CSGALNACT1: variants seen among roughly 807,000 people sequenced by gnomAD.
CSGALNACT1 encodes the protein beta4GalNAcT-1.
A neutral mutation model predicts 51.0 loss-of-function variants in CSGALNACT1; 52 were observed. The observed-to-expected ratio is 1.02, with a 90% CI of 0.82 to 1.29. The LOEUF is 1.29. Among genes scored for constraint, CSGALNACT1 ranks in the 50% most tolerant of loss-of-function variants. The probability of loss-of-function intolerance (pLI) is 0.00; values close to 1 mark genes in which losing one functional copy is unlikely to be tolerated. For synonymous variants in CSGALNACT1, 341 were observed against 254.4 expected (o/e 1.34, Z -3.24); for missense variants, 935 against 679.2 (o/e 1.38, Z -4.19).
intron 4 of CSGALNACT1, among the ~76,000 whole-genome samples, chr8:19,504,781 C>T (rs2076998975): frequency 6.6e-6 from 1 of 152,158 alleles, no homozygotes; most frequent in Admixed American, 6.5e-5. Flanking sequence ...GGGGTCATTT[C>T]ATGGGAAAAG....
At chr8:19,477,986 C>T (rs1032893845) in intron 4 of CSGALNACT1, among the ~76,000 whole-genome samples, 5 of 152,082 alleles carry the variant, frequency 3.3e-5, no homozygotes. Context: ...TTTCCAGGGA[C>T]CCCACCTCCT....
At chr8:19,453,706 G>C (rs1449100701) in intron 5 of CSGALNACT1, among the ~76,000 whole-genome samples, 3 of 152,208 alleles carry the variant, frequency 2.0e-5, no homozygotes, top group Non-Finnish European at 4.4e-5. Context: ...GAGGTCAGGA[G>C]TTCAAGACCA....
chr8:19,491,470 A>G (rs1019572500), intron 4 of CSGALNACT1, among the ~76,000 whole-genome samples: 1 of 152,238 alleles, frequency 6.6e-6, no homozygotes, highest in South Asian at 2.1e-4. Context: ...TATGCTCTTA[A>G]TACTAAATAT....
chr8:19,538,992 T>C (rs1047784201), intron 3 of CSGALNACT1, among the ~76,000 whole-genome samples: 1 of 152,202 alleles, frequency 6.6e-6, no homozygotes, highest in African/African-American at 2.4e-5. Flanking sequence ...CCAAAAGACC[T>C]TGTGCTGGGC....
At position 19,505,891 on chromosome 8, in the gene CSGALNACT1, C is replaced by T. The variant is rs576108028; in HGVS notation, c.-57G>A. The stretch of plus-strand genomic sequence containing the variant: ...GCATCCCTCAAAGCCGGGGCCCCCA[C>T]GGAAGGGCTTCCCTGGGCTAGACCA... On this transcript the variant is annotated 5_prime_UTR_variant, in exon 4 of 10. It adds an upstream start codon to the 5' untranslated region. Transcript: ENST00000454498. 29 of 1,596,946 alleles carry T rather than the reference C, an allele frequency of 1.8e-5. No individual in the cohort carries two copies. The highest frequency in any genetic ancestry group is 1.6e-4 in the Middle Eastern group (1 of 6,072).
At chr8:19,615,932 T>G (rs368275622) in intron 1 of CSGALNACT1, among the ~76,000 whole-genome samples, 7 of 152,200 alleles carry the variant, frequency 4.6e-5, no homozygotes, top group African/African-American at 1.7e-4. Context: ...ATCAAACAGG[T>G]ATTTTAATTA....
chr8:19,744,554 C>T (rs929096712), intron 1 of CSGALNACT1, among the ~76,000 whole-genome samples: 2 of 152,078 alleles, frequency 1.3e-5, no homozygotes, highest in African/African-American at 2.4e-5. Flanking sequence ...ATCCAGCCAG[C>T]CTGCCACAAG....
At chr8:19,538,598 A>C (rs2084330324) in intron 3 of CSGALNACT1, among the ~76,000 whole-genome samples, 1 of 152,150 alleles carries the variant, frequency 6.6e-6, no homozygotes, top group East Asian at 1.9e-4. Flanking sequence ...CTTCAGGATA[A>C]CATCAGCCAA....
At chr8:19,728,914 C>G (rs17091182) in intron 1 of CSGALNACT1, among the ~76,000 whole-genome samples, 2 of 151,882 alleles carry the variant, frequency 1.3e-5, no homozygotes, top group African/African-American at 4.8e-5. Context: ...TTCAAGCAGG[C>G]AGTCTGATTT....
intron 1 of CSGALNACT1, among the ~76,000 whole-genome samples, chr8:19,609,598 T>A (rs867309935): frequency 6.6e-6 from 1 of 150,954 alleles, no homozygotes; most frequent in Non-Finnish European, 1.5e-5. Context: ...GAATACATAC[T>A]GTATGATTCC....
At chr8:19,445,495 A>G (rs1205050123) in intron 5 of CSGALNACT1, among the ~76,000 whole-genome samples, 3 of 152,236 alleles carry the variant, frequency 2.0e-5, no homozygotes, top group Non-Finnish European at 4.4e-5. Flanking sequence ...TAAAAAAGGC[A>G]AAGTAGAATT....
At chr8:19,544,438 G>A (rs763329786) in intron 3 of CSGALNACT1, among the ~76,000 whole-genome samples, 1 of 152,190 alleles carries the variant, frequency 6.6e-6, no homozygotes, top group Non-Finnish European at 1.5e-5. Context: ...TTAAGAGTAT[G>A]ACATTTTTAT....
chr8:19,442,656 A>G (rs1190823668), intron 5 of CSGALNACT1, among the ~76,000 whole-genome samples: 1 of 151,808 alleles, frequency 6.6e-6, no homozygotes, highest in Non-Finnish European at 1.5e-5. Flanking sequence ...CCAACATGGC[A>G]CATGTATACA....
chr8:19,667,382 G>C (rs959249691), intron 1 of CSGALNACT1, among the ~76,000 whole-genome samples: 1 of 152,176 alleles, frequency 6.6e-6, no homozygotes, highest in Non-Finnish European at 1.5e-5. Context: ...GCTGAAGTGA[G>C]CTGAGATCAC....
intron 1 of CSGALNACT1, among the ~76,000 whole-genome samples, chr8:19,713,730 G>C (rs571174122): frequency 6.6e-6 from 1 of 152,150 alleles, no homozygotes; most frequent in African/African-American, 2.4e-5. Flanking sequence ...GGGTTTCAGA[G>C]GGGATCTCGC....
chr8:19,632,795 A>G (rs1316955606), intron 1 of CSGALNACT1, among the ~76,000 whole-genome samples: 2 of 152,110 alleles, frequency 1.3e-5, no homozygotes, highest in Non-Finnish European at 2.9e-5. Context: ...ACACTCTGTC[A>G]TCCAGGCTGG....
At chr8:19,471,935 C>A (rs1423346039) in intron 4 of CSGALNACT1, among the ~76,000 whole-genome samples, 1 of 152,196 alleles carries the variant, frequency 6.6e-6, no homozygotes, top group South Asian at 2.1e-4. Flanking sequence ...AGATATCAGG[C>A]TGCTCAAAAC....
intron 1 of CSGALNACT1, among the ~76,000 whole-genome samples, chr8:19,721,753 C>T (rs2063141046): frequency 6.6e-6 from 1 of 152,202 alleles, no homozygotes; most frequent in South Asian, 2.1e-4. Flanking sequence ...GCTGAGAACA[C>T]ATTTATGCCT....
At chr8:19,667,011 GAAAGA>G (rs1564386188) in intron 1 of CSGALNACT1, among the ~76,000 whole-genome samples, 49 of 32,870 alleles carry the variant, frequency 1.5e-3, no homozygotes, top group East Asian at 2.7e-3. Context: ...AAGAAAGAAA[GAAAGA>G]AAGGAAGGAA....
Sources: allele counts gnomAD v4.1 joint callset (sites outside exome capture counted in the v4.1 genomes callset), GRCh38; gene constraint gnomAD v4.1.1; transcripts MANE v1.5; gene names NCBI Gene and HGNC (gene_info 2026-07-23, HGNC 2026-07-21).